Variants in RIGI observed in about 807,000 individuals in gnomAD.
The protein encoded by RIGI is RNA sensor RIG-I, also known as antiviral innate immune response receptor RIG-I.
the RIGI span, chr9:32,485,354 A>G: frequency 3.7e-6 from 4 of 1,068,104 alleles, no homozygotes; most frequent in Non-Finnish European, 5.5e-6. Flanking sequence ...TGTAGTTCAA[A>G]GTAGGTATCT....
At chr9:32,486,765 A>C in the RIGI span, among the ~76,000 whole-genome samples, 1 of 152,170 alleles carries the variant, frequency 6.6e-6, no homozygotes, top group Non-Finnish European at 1.5e-5. Context: ...CTCAGAGGGC[A>C]GGAGGAACCG....
the RIGI span, among the ~76,000 whole-genome samples, chr9:32,470,871 T>C: frequency 2.0e-5 from 3 of 152,232 alleles, no homozygotes; most frequent in Non-Finnish European, 4.4e-5. Context: ...AAATCAAGTT[T>C]AACCCATTCG....
At chr9:32,472,250 T>C in the RIGI span, among the ~76,000 whole-genome samples, 8 of 152,328 alleles carry the variant, frequency 5.3e-5, no homozygotes, top group East Asian at 1.5e-3. Flanking sequence ...TAGACAATCT[T>C]AATCTATTGG....
At chr9:32,511,813 T>G in the RIGI span, among the ~76,000 whole-genome samples, 2 of 151,968 alleles carry the variant, frequency 1.3e-5, no homozygotes, top group East Asian at 3.9e-4. Context: ...TTGAAAAGAT[T>G]AACAAATATA....
chr9:32,514,569 C>G, the RIGI span, among the ~76,000 whole-genome samples: 1 of 152,110 alleles, frequency 6.6e-6, no homozygotes, highest in Non-Finnish European at 1.5e-5. Context: ...ACACTGGGGC[C>G]TGTTGGGGGC....
chr9:32,474,942 A>G, the RIGI span, among the ~76,000 whole-genome samples: 2 of 152,034 alleles, frequency 1.3e-5, no homozygotes, highest in Admixed American at 6.6e-5. Flanking sequence ...TTTTATCTTT[A>G]TGTATTTTTA....
the RIGI span, chr9:32,485,413 C>T: frequency 1.5e-6 from 1 of 675,294 alleles, no homozygotes; most frequent in Non-Finnish European, 2.6e-6. Flanking sequence ...ACCTAAGGTT[C>T]CAGGCTAACT....
chr9:32,520,962 A>G, the RIGI span, among the ~76,000 whole-genome samples: 2 of 152,086 alleles, frequency 1.3e-5, no homozygotes, highest in East Asian at 3.9e-4. Context: ...CCTGGCCAAC[A>G]TGGTGAAACC....
At chr9:32,467,003 C>T in the RIGI span, among the ~76,000 whole-genome samples, 75,965 of 151,950 alleles carry the variant, frequency 0.5, 19,568 homozygotes, top group Middle Eastern at 0.64. Flanking sequence ...ATTACAAAGA[C>T]AGATATAAAA....
At chr9:32,468,389 G>A in the RIGI span, among the ~76,000 whole-genome samples, 1 of 152,210 alleles carries the variant, frequency 6.6e-6, no homozygotes, top group Admixed American at 6.5e-5. Flanking sequence ...GGTCGTGCCA[G>A]GCATGGTGGT....
the RIGI span, among the ~76,000 whole-genome samples, chr9:32,513,232 T>C: frequency 1.3e-5 from 2 of 152,084 alleles, no homozygotes; most frequent in Non-Finnish European, 2.9e-5. Flanking sequence ...TTAAAGTTCA[T>C]ATGGAACCAA....
the RIGI span, among the ~76,000 whole-genome samples, chr9:32,509,969 A>C: frequency 6.6e-6 from 1 of 151,984 alleles, no homozygotes; most frequent in Non-Finnish European, 1.5e-5. Context: ...GAATCAATCA[A>C]GCAGAAGAAA....
chr9:32,523,130 G>C, the RIGI span, among the ~76,000 whole-genome samples: 2 of 152,132 alleles, frequency 1.3e-5, no homozygotes, highest in African/African-American at 4.8e-5. Flanking sequence ...GGGTCAGGGA[G>C]ATGGATTTGA....
At chr9:32,500,925 T>G in the RIGI span, 1 of 1,613,934 alleles carries the variant, frequency 6.2e-7, no homozygotes, top group Non-Finnish European at 8.5e-7. Context: ...TCAGCCTGAA[T>G]ATACTGCACC....
the RIGI span, among the ~76,000 whole-genome samples, chr9:32,474,170 C>T: frequency 7.8e-6 from 1 of 128,208 alleles, no homozygotes; most frequent in East Asian, 2.7e-4. Flanking sequence ...CTAGTGTACT[C>T]CAACCTGGGC....
At chr9:32,515,359 GTTTACATGATTA>G in the RIGI span, among the ~76,000 whole-genome samples, 1 of 148,602 alleles carries the variant, frequency 6.7e-6, no homozygotes, top group Non-Finnish European at 1.5e-5. Flanking sequence ...TTTCCTGAAT[GTTTACATGATTA>G]TTTCTTCATC....
chr9:32,459,261 G>T, the RIGI span: 2 of 1,249,216 alleles, frequency 1.6e-6, no homozygotes, highest in Non-Finnish European at 1.1e-6. Flanking sequence ...CACAGATCAT[G>T]GCCACAGTAA....
At chr9:32,481,853 G>A in the RIGI span, among the ~76,000 whole-genome samples, 1 of 152,196 alleles carries the variant, frequency 6.6e-6, no homozygotes, top group Admixed American at 6.5e-5. Context: ...CCAAAGTGCT[G>A]GGATTACAGG....
At chr9:32,478,041 G>GTTTTTTTTTTTTTTTT in the RIGI span, among the ~76,000 whole-genome samples, 1 of 151,364 alleles carries the variant, frequency 6.6e-6, no homozygotes, top group African/African-American at 2.5e-5. Context: ...TGTTTTATCG[G>GTTTTTTTTTTTTTTTT]TTTTTGTTTT....
Sources: allele counts gnomAD v4.1 joint callset (sites outside exome capture counted in the v4.1 genomes callset), GRCh38; gene constraint gnomAD v4.1.1; transcripts MANE v1.5; gene names NCBI Gene and HGNC (gene_info 2026-07-23, HGNC 2026-07-21).